Variants in PRRC2C observed in about 807,000 individuals in gnomAD.
PRRC2C encodes the protein proline rich coiled-coil 2C, also known as protein PRRC2C.
A neutral mutation model predicts 317.2 loss-of-function variants in PRRC2C; 72 were observed. The observed-to-expected ratio is 0.23, with a 90% confidence interval of 0.19 to 0.28. The LOEUF (loss-of-function observed/expected upper bound fraction) is 0.28. PRRC2C is among the 10% of genes least tolerant of loss of function. The pLI, the probability that PRRC2C is intolerant of heterozygous loss-of-function variation, is 1.00. For missense variants in PRRC2C, 3,074 were observed against 3,459.7 expected (o/e 0.89, Z 2.80); for synonymous variants, 1,296 against 1,205.9 (o/e 1.07, Z -1.55).
Position 171,523,448 on chromosome 1 carries a change from A to G in PRRC2C, c.981A>G (p.Glu327=). 6.2e-7 allele frequency: 1 copy of G among 1,613,192 alleles called. No individual in the cohort carries two copies. Among genetic ancestry groups the G allele is most frequent in the Non-Finnish European group, 8.5e-7 (1 of 1,179,660 alleles). Residue 327 remains glutamate, a synonymous_variant, in exon 9 of 35, where the codon GAA becomes GAG. Transcript: ENST00000647382. ...ADEGWAGAQM[E]VDYTEQLNFS... ...TTAATTTAATAGGTGCTCAGATGGA[A>G]GTAGATTATACAGAGCAACTGAATT...
At chr1:171,558,181 A>G (rs769077680) in intron 19 of PRRC2C, 38 bp downstream of exon 19, 3 of 1,569,058 alleles carry the variant, frequency 1.9e-6, no homozygotes, top group Middle Eastern at 1.7e-4. Context: ...GGGGAATGGC[A>G]TAGGAATACT....
At chr1:171,570,262 C>T (rs1035088555) in intron 23 of PRRC2C, among the ~76,000 whole-genome samples, 1 of 152,088 alleles carries the variant, frequency 6.6e-6, no homozygotes, top group African/African-American at 2.4e-5. Context: ...TTTCACTTGT[C>T]TGTTTGGGGG....
In PRRC2C at chr1:171,557,633, G is replaced by C; in HGVS notation, c.5521G>C (p.Ala1841Pro). 2.6e-6 allele frequency: 4 copies of C among 1,551,380 alleles called. No individual in the cohort carries two copies. Among genetic ancestry groups the C allele is most frequent in the Non-Finnish European group, 3.5e-6 (4 of 1,146,928 alleles). ...TTCTTCAGCTCCAGCCTCAGCCCCA[G>C]CTCCAACCCCCATCCTTGCCTCAGT... ...TSSSAPASAP[A>P]PTPILASVST... Residue 1841 changes from alanine to proline, a missense_variant, in exon 19 of 35, where the codon GCT becomes CCT. Around this residue, in one of 11 missense-constraint regions of PRRC2C, gnomAD observed 640 missense variants for 676.1 expected, o/e 0.95. Transcript: ENST00000647382.
At chr1:171,530,398 T>C (rs1229577828) in intron 11 of PRRC2C, among the ~76,000 whole-genome samples, 1 of 151,698 alleles carries the variant, frequency 6.6e-6, no homozygotes, top group Non-Finnish European at 1.5e-5. Context: ...CATGTGCCTC[T>C]ATGCCCGGCT....
chr1:171,583,565 AAAAT>A (rs1649193093), intron 28 of PRRC2C, among the ~76,000 whole-genome samples: 1 of 152,240 alleles, frequency 6.6e-6, no homozygotes, highest in African/African-American at 2.4e-5. Context: ...AGTACACTCT[AAAAT>A]AACCAGAAAA....
At chr1:171,517,926 T>C (rs976332317) in intron 6 of PRRC2C, 112 bp downstream of exon 6, 4 of 817,452 alleles carry the variant, frequency 4.9e-6, no homozygotes, top group Admixed American at 2.9e-5. Context: ...AACATCTAAC[T>C]AAAAATTAGC....
At chr1:171,526,452 C>T (rs922963951) in intron 10 of PRRC2C, among the ~76,000 whole-genome samples, 5 of 152,102 alleles carry the variant, frequency 3.3e-5, no homozygotes, top group African/African-American at 7.2e-5. Flanking sequence ...ATTCTTGTGC[C>T]TCAGCCTCCC....
chr1:171,561,867 A>G (rs1682784697), intron 20 of PRRC2C, among the ~76,000 whole-genome samples: 1 of 152,142 alleles, frequency 6.6e-6, no homozygotes, highest in Non-Finnish European at 1.5e-5. Context: ...TCATTCATTC[A>G]TTGAATGAAC....
intron 18 of PRRC2C, 113 bp from the exon 19 acceptor site, chr1:171,557,127 C>A (rs1681606591): frequency 1.4e-6 from 2 of 1,443,842 alleles, no homozygotes; most frequent in Non-Finnish European, 1.8e-6. Flanking sequence ...GGTTTGAGTA[C>A]CTATTTTGAA....
intron 9 of PRRC2C, 68 bp downstream of exon 9, chr1:171,523,590 A>G: frequency 7.8e-7 from 1 of 1,284,862 alleles, no homozygotes. Flanking sequence ...ACTTATGCAA[A>G]GAAGCTTTGT....
At position 171,536,191 on chromosome 1, in the gene PRRC2C, G is replaced by A; in HGVS notation, c.2206G>A (p.Asp736Asn). 1.2e-6 allele frequency: 2 copies of A among 1,613,240 alleles called. No homozygotes were observed. The highest frequency in any genetic ancestry group is 8.5e-7 in the Non-Finnish European group (1 of 1,179,602). ...HPQHLASMGFDPRWLMMQSYM... is the reference protein window; with the variant it reads ...HPQHLASMGFNPRWLMMQSYM... ...TCAGCATTTGGCTTCTATGGGTTTTGATCCAAGGTGGCTCATGATGCAGTC... is the reference window on the plus strand; with the variant it reads ...TCAGCATTTGGCTTCTATGGGTTTTAATCCAAGGTGGCTCATGATGCAGTC... Residue 736 changes from aspartate to asparagine, a missense_variant, in exon 14 of 35, where the codon GAT (aspartate) becomes AAT (asparagine). This residue lies in a region of PRRC2C where 1,320 missense variants were observed against 1,395.7 expected (regional missense o/e 0.95). Transcript: ENST00000647382.
chr1:171,526,851 C>T (rs1284656199), intron 10 of PRRC2C, among the ~76,000 whole-genome samples: 1 of 111,982 alleles, frequency 8.9e-6, no homozygotes, highest in African/African-American at 3.7e-5. Flanking sequence ...ATCTGTCTCC[C>T]AGGCTGTAAT....
chr1:171,533,090 A>G (rs1676162858), intron 12 of PRRC2C, 129 bp downstream of exon 12: 2 of 938,442 alleles, frequency 2.1e-6, no homozygotes, highest in African/African-American at 1.7e-5. Context: ...TAGCATTTGC[A>G]GTACAAAATA....
chr1:171,575,556 T>C (rs1398308679), intron 25 of PRRC2C, among the ~76,000 whole-genome samples: 2 of 152,206 alleles, frequency 1.3e-5, no homozygotes, highest in African/African-American at 4.8e-5. Flanking sequence ...TTCATTGGAT[T>C]TGGCTTTAGT....
intron 12 of PRRC2C, among the ~76,000 whole-genome samples, 196 bp downstream of exon 12, chr1:171,533,157 C>A (rs1676181235): frequency 6.6e-6 from 1 of 152,110 alleles, no homozygotes; most frequent in Admixed American, 6.6e-5. Flanking sequence ...TGAAGTGTTT[C>A]TCAGTTATTA....
At chr1:171,551,581 T>C (rs991504040) in intron 18 of PRRC2C, among the ~76,000 whole-genome samples, 1 of 152,226 alleles carries the variant, frequency 6.6e-6, no homozygotes, top group Non-Finnish European at 1.5e-5. Context: ...CTTCTAGGGT[T>C]TTTATCGTTT....
chr1:171,538,822 T>C (rs561922623), intron 15 of PRRC2C, among the ~76,000 whole-genome samples: 18 of 151,912 alleles, frequency 1.2e-4, no homozygotes, highest in African/African-American at 3.9e-4. Flanking sequence ...AGTGATCCTC[T>C]CACCTCAGCC....
chr1:171,514,240 G>A (rs1671901439), intron 3 of PRRC2C, among the ~76,000 whole-genome samples: 1 of 147,878 alleles, frequency 6.8e-6, no homozygotes, highest in East Asian at 2.0e-4. Flanking sequence ...TGGTAACTGT[G>A]TTTAATTAAA....
intron 5 of PRRC2C, 64 bp downstream of exon 5, chr1:171,515,923 C>T: frequency 6.8e-7 from 1 of 1,466,746 alleles, no homozygotes; most frequent in Non-Finnish European, 9.1e-7. Flanking sequence ...GCAATACAAC[C>T]TCCTGCTTGC....
Sources: gnomAD v4.1 joint callset for allele counts (sites outside exome capture counted in the v4.1 genomes callset) on GRCh38, gnomAD v4.1.1 for gene constraint, gnomAD v4.1.1 regional missense constraint, MANE v1.5 for transcripts, NCBI Gene and HGNC (gene_info 2026-07-23, HGNC 2026-07-21) for gene names.